The following MAGI2 variants were observed in gnomAD, a reference collection of about 807,000 sequenced individuals.
MAGI2 encodes the protein membrane associated guanylate kinase, WW and PDZ domain containing 2.
Under a neutral mutation model 133.3 loss-of-function variants are expected in MAGI2, and 35 were observed. That is an observed-to-expected ratio of 0.26 (90% confidence interval 0.20 to 0.35). MAGI2 has a LOEUF of 0.35. Among genes scored for constraint, MAGI2 ranks in the 10% least tolerant of loss-of-function variants. The pLI, the probability that MAGI2 is intolerant of heterozygous loss-of-function variation, is 1.00. For synonymous variants in MAGI2, 729 were observed against 710.6 expected (o/e 1.03, Z -0.41); for missense variants, 1,636 against 1,863.4 (o/e 0.88, Z 2.25).
chr7:78,132,411 C>T (rs370661445), intron 18 of MAGI2, among the ~76,000 whole-genome samples: 5 of 152,330 alleles, frequency 3.3e-5, no homozygotes, highest in South Asian at 4.1e-4. Flanking sequence ...AATGACTTCC[C>T]GCTGCACTTA....
chr7:78,255,984 C>T lies in MAGI2; in HGVS notation c.2006G>A (p.Cys669Tyr), dbSNP rs558063595. The T allele has an allele frequency of 6.2e-7, 1 of 1,613,802 alleles. No individual in the cohort carries two copies. The highest frequency in any genetic ancestry group is 1.1e-5 in the South Asian group (1 of 91,008). Residue 669 changes from cysteine (C) to tyrosine (Y), a missense_variant, in exon 10 of 22, where the codon TGT becomes TAT. Cys to Tyr is a radical substitution (Grantham distance 194, BLOSUM62 -2). Transcript: ENST00000354212. ...CAAAGAAGTTTCACTTCCAATGGGACAGTCCTTAAGTATATCCACTACTTC... is the reference window on the plus strand; with the variant it reads ...CAAAGAAGTTTCACTTCCAATGGGATAGTCCTTAAGTATATCCACTACTTC... ...HTEVVDILKD[C>Y]PIGSETSLII...
At chr7:78,091,966 T>C (rs1817256062) in intron 20 of MAGI2, among the ~76,000 whole-genome samples, 1 of 152,246 alleles carries the variant, frequency 6.6e-6, no homozygotes, top group Admixed American at 6.5e-5. Context: ...TAGCTGTAAG[T>C]GTGAATACAT....
chr7:78,103,610 C>T (rs1179947336), intron 20 of MAGI2, among the ~76,000 whole-genome samples: 4 of 152,230 alleles, frequency 2.6e-5, no homozygotes, highest in Non-Finnish European at 5.9e-5. Flanking sequence ...TAGTAAGTGA[C>T]GAAGTTGGGC....
chr7:78,614,831 C>A (rs2150922077), intron 3 of MAGI2: 1 of 152,276 alleles, frequency 6.6e-6, no homozygotes, highest in Non-Finnish European at 1.5e-5. Context: ...ATATTCTAGC[C>A]TTTCCCTTTC....
At chr7:78,235,363 A>G (rs932002261) in intron 10 of MAGI2, among the ~76,000 whole-genome samples, 8 of 152,324 alleles carry the variant, frequency 5.3e-5, no homozygotes, top group Middle Eastern at 6.8e-3. Flanking sequence ...AAAAATACAT[A>G]GTAAACAAAC....
chr7:78,397,552 A>G (rs956654312), intron 6 of MAGI2, among the ~76,000 whole-genome samples: 4 of 152,152 alleles, frequency 2.6e-5, no homozygotes, highest in Non-Finnish European at 5.9e-5. Flanking sequence ...AAATTGAAGT[A>G]TAAGTGAGAT....
intron 5 of MAGI2, among the ~76,000 whole-genome samples, chr7:78,493,889 AT>A (rs1793850500): frequency 3.3e-5 from 5 of 152,136 alleles, no homozygotes; most frequent in African/African-American, 1.2e-4. Context: ...GAGCACTGTG[AT>A]TGAGGAGGCA....
At chr7:78,227,631 T>C (rs1266472840) in intron 10 of MAGI2, among the ~76,000 whole-genome samples, 1 of 152,246 alleles carries the variant, frequency 6.6e-6, no homozygotes, top group Non-Finnish European at 1.5e-5. Context: ...ATTTCTCTTT[T>C]AATATTTATT....
intron 10 of MAGI2, among the ~76,000 whole-genome samples, chr7:78,240,486 C>T (rs920399471): frequency 6.6e-6 from 1 of 152,098 alleles, no homozygotes; most frequent in African/African-American, 2.4e-5. Context: ...CTGTCATTTG[C>T]AACAGCGTGG....
At chr7:78,511,415 A>C (rs1376073720) in intron 4 of MAGI2, among the ~76,000 whole-genome samples, 2 of 151,854 alleles carry the variant, frequency 1.3e-5, no homozygotes, top group Non-Finnish European at 2.9e-5. Flanking sequence ...ATTATTGCTC[A>C]AAGAATGCTC....
intron 1 of MAGI2, among the ~76,000 whole-genome samples, chr7:79,349,810 C>A (rs1668836593): frequency 6.6e-6 from 1 of 151,916 alleles, no homozygotes; most frequent in Non-Finnish European, 1.5e-5. Context: ...AACTTTAGAG[C>A]CAATTATTTT....
intron 2 of MAGI2, among the ~76,000 whole-genome samples, chr7:78,661,496 A>G (rs1205251466): frequency 6.6e-6 from 1 of 152,204 alleles, no homozygotes; most frequent in African/African-American, 2.4e-5. Flanking sequence ...CTAGTCATCC[A>G]GATATGAAGC....
At chr7:78,849,353 C>A (rs796410143) in intron 2 of MAGI2, among the ~76,000 whole-genome samples, 96 of 152,068 alleles carry the variant, frequency 6.3e-4, no homozygotes, top group African/African-American at 2.2e-3. Context: ...GCAAAGCCAA[C>A]CAACCACCCA....
intron 1 of MAGI2, among the ~76,000 whole-genome samples, chr7:79,273,156 A>G (rs948576224): frequency 5.3e-5 from 8 of 152,122 alleles, no homozygotes; most frequent in Admixed American, 6.6e-5. Flanking sequence ...AGTCATACCA[A>G]GATAACAGAG....
chr7:78,992,382 T>A (rs1805876164), intron 2 of MAGI2, among the ~76,000 whole-genome samples: 1 of 152,086 alleles, frequency 6.6e-6, no homozygotes, highest in Non-Finnish European at 1.5e-5. Context: ...TTCACTAAAC[T>A]GAATTAAACT....
intron 1 of MAGI2, among the ~76,000 whole-genome samples, chr7:79,275,154 G>A (rs993327720): frequency 6.6e-6 from 1 of 152,146 alleles, no homozygotes; most frequent in African/African-American, 2.4e-5. Context: ...AAGTAGTAAA[G>A]ATGGCATATC....
chr7:78,704,703 G>A (rs1233104504), intron 2 of MAGI2, among the ~76,000 whole-genome samples: 1 of 151,484 alleles, frequency 6.6e-6, no homozygotes, highest in Non-Finnish European at 1.5e-5. Context: ...TATACACCGT[G>A]GAATACTATG....
chr7:79,196,808 G>T (rs1828122082), intron 1 of MAGI2, among the ~76,000 whole-genome samples: 1 of 151,786 alleles, frequency 6.6e-6, no homozygotes, highest in African/African-American at 2.4e-5. Context: ...CACTCTGTCA[G>T]CCAGGCTGGA....
At chr7:78,100,728 TGAGG>T (rs1413940370) in intron 20 of MAGI2, among the ~76,000 whole-genome samples, 2 of 150,480 alleles carry the variant, frequency 1.3e-5, no homozygotes, top group Non-Finnish European at 3.0e-5. Flanking sequence ...TTCATTATTT[TGAGG>T]CATACAGACT....
Sources: gnomAD v4.1 joint callset for allele counts (sites outside exome capture counted in the v4.1 genomes callset) on GRCh38, gnomAD v4.1.1 for gene constraint, MANE v1.5 for transcripts, NCBI Gene and HGNC (gene_info 2026-07-23, HGNC 2026-07-21) for gene names.